The following KCNK3 variants were observed in gnomAD, a reference collection of about 807,000 sequenced individuals.
KCNK3 encodes the protein potassium two pore domain channel subfamily K member 3.
In KCNK3, 9 loss-of-function variants were observed where a neutral mutation model predicts 27.3. The observed-to-expected ratio is 0.33, with a 90% CI of 0.20 to 0.57. KCNK3 has a LOEUF of 0.57. Among genes scored for constraint, KCNK3 ranks in the 20% least tolerant of loss-of-function variants. KCNK3 has a pLI of 0.87. For synonymous variants in KCNK3, 278 were observed against 273.8 expected (o/e 1.02, Z -0.15); for missense variants, 391 against 577.7 (o/e 0.68, Z 3.31).
intron 1 of KCNK3, among the ~76,000 whole-genome samples, chr2:26,710,983 A>T (rs1258869009): frequency 6.6e-6 from 1 of 152,122 alleles, no homozygotes; most frequent in East Asian, 1.9e-4. Context: ...GCCTGTGCCA[A>T]TTTGGGCCAG....
In KCNK3 at chr2:26,728,334, C is replaced by T; in HGVS notation, c.951C>T (p.Ser317=). 1 of 1,604,056 alleles carries T rather than the reference C, an allele frequency of 6.2e-7. No individual in the cohort carries two copies. The highest frequency in any genetic ancestry group is 1.1e-5 in the South Asian group (1 of 89,496). ...QSMCSCLWYK[S]REKLQYSIPM... is the part of the protein sequence containing the mutation. ...TGTGCTCGTGCCTGTGGTACAAGAG[C>T]CGCGAGAAGCTGCAGTACTCCATCC... Residue 317 remains serine, a synonymous_variant, in exon 2 of 2, where the codon AGC becomes AGT. Coordinates refer to ENST00000302909, the MANE Select transcript of KCNK3 (RefSeq NM_002246.3).
chr2:26,694,734 C>T (rs944814425), intron 1 of KCNK3, among the ~76,000 whole-genome samples: 5 of 152,182 alleles, frequency 3.3e-5, no homozygotes, highest in African/African-American at 1.2e-4. Flanking sequence ...CTCTTCCACT[C>T]TCACACCCCA....
At position 26,731,235 on chromosome 2, in the gene KCNK3, G is replaced by A. The variant is rs1663533538; in HGVS notation, c.*2667G>A. The A allele has an allele frequency of 6.6e-6, 1 of 152,380 alleles. No homozygotes were observed. The highest frequency in any genetic ancestry group is 2.4e-5 in the African/African-American group (1 of 41,418). The allele number at this position is 152,380 out of a possible 1,614,324, so 9.4% of individuals were successfully genotyped here. ...GCTGCCTCTGTCATCGTATGCCCTT[G>A]CTGCTGCCAGGGAGGGGCCATCTCC... On this transcript the variant is annotated 3_prime_UTR_variant, in exon 2 of 2. Transcript: ENST00000302909.
chr2:26,702,207 CA>C (rs1670316414), intron 1 of KCNK3, among the ~76,000 whole-genome samples: 1 of 152,162 alleles, frequency 6.6e-6, no homozygotes, highest in South Asian at 2.1e-4. Context: ...ACTGTGTCCT[CA>C]CATCCTCACA....
intron 1 of KCNK3, among the ~76,000 whole-genome samples, chr2:26,705,745 T>A (rs1351576843): frequency 6.6e-6 from 1 of 152,024 alleles, no homozygotes; most frequent in Non-Finnish European, 1.5e-5. Flanking sequence ...ACCATCCCAC[T>A]GAACAGGATG....
At position 26,693,742 on chromosome 2, in the gene KCNK3, G is replaced by A. The variant is rs1200753235; in HGVS notation, c.283+584G>A. Among the ~76,000 whole-genome samples, 1 of 152,222 alleles carries A rather than the reference G, an allele frequency of 6.6e-6. No homozygotes were observed. The highest frequency in any genetic ancestry group is 1.5e-5 in the Non-Finnish European group (1 of 68,036). ...CAGTGCCTGTGATTTTCTCAGAGCG[G>A]CAGAATTGGTGCGGGAAGCCAGATC... On this transcript the variant is annotated intron_variant, in intron 1 of 1. Coordinates refer to ENST00000302909, the MANE Select transcript of KCNK3 (RefSeq NM_002246.3). The surrounding 1 kb of genome is among the most constrained non-coding windows in gnomAD (Gnocchi z 5.5).
chr2:26,694,384 C>A (rs991660059), intron 1 of KCNK3, among the ~76,000 whole-genome samples: 1 of 152,190 alleles, frequency 6.6e-6, no homozygotes, highest in African/African-American at 2.4e-5. Flanking sequence ...GGGTTCGTTG[C>A]CACTTAGCGC....
intron 1 of KCNK3, among the ~76,000 whole-genome samples, chr2:26,708,907 G>A (rs996551689): frequency 1.3e-5 from 2 of 152,172 alleles, no homozygotes; most frequent in African/African-American, 4.8e-5. Flanking sequence ...GGATGGTGGC[G>A]GACTGGACCA....
intron 1 of KCNK3, among the ~76,000 whole-genome samples, chr2:26,702,496 G>A (rs1397315056): frequency 6.6e-6 from 1 of 152,180 alleles, no homozygotes; most frequent in Non-Finnish European, 1.5e-5. Context: ...CTTGCTCTGA[G>A]TGTGTCCAAG....
intron 1 of KCNK3, among the ~76,000 whole-genome samples, chr2:26,702,195 T>C (rs1670316214): frequency 1.3e-5 from 2 of 152,202 alleles, no homozygotes; most frequent in African/African-American, 4.8e-5. Context: ...AGCCATCTTC[T>C]CACTGTGTCC....
intron 1 of KCNK3, among the ~76,000 whole-genome samples, chr2:26,711,170 T>C (rs1663104034): frequency 6.6e-6 from 1 of 152,200 alleles, no homozygotes; most frequent in Admixed American, 6.5e-5. Context: ...ACCACGTCTC[T>C]GTCATGAAGC....
At position 26,693,192 on chromosome 2, in the gene KCNK3, G is replaced by A; in HGVS notation, c.283+34G>A. The A allele has an allele frequency of 6.7e-7, 1 of 1,485,300 alleles. No individual in the cohort carries two copies. Among genetic ancestry groups the A allele is most frequent in the Non-Finnish European group, 9.0e-7 (1 of 1,113,466 alleles). The allele number at this position is 1,485,300 out of a possible 1,614,324, so 92.0% of individuals were successfully genotyped here. ...TCGCCGGGCGGGGGGCGGGAACCCA[G>A]GGCTGGGCGCGGGGCTCCGGGAGTC... On this transcript the variant is annotated intron_variant, in intron 1 of 1. Coordinates refer to ENST00000302909, the MANE Select transcript of KCNK3 (RefSeq NM_002246.3). The surrounding 1 kb of genome is among the most constrained non-coding windows in gnomAD (Gnocchi z 5.5).
At chr2:26,722,816 A>G (rs960335120) in intron 1 of KCNK3, among the ~76,000 whole-genome samples, 39 of 152,380 alleles carry the variant, frequency 2.6e-4, no homozygotes, top group African/African-American at 9.1e-4. Context: ...CATAAATAAA[A>G]TCTTCCAAAA....
At chr2:26,718,101 C>T (rs904109281) in intron 1 of KCNK3, among the ~76,000 whole-genome samples, 14 of 151,996 alleles carry the variant, frequency 9.2e-5, no homozygotes, top group Admixed American at 3.3e-4. Context: ...CCTCTCATCC[C>T]GAACTCTTGG....
Position 26,727,647 on chromosome 2 carries a change from T to A in KCNK3, c.284-20T>A, listed in dbSNP as rs745977248. The A allele has an allele frequency of 1.3e-6, 2 of 1,511,500 alleles. No individual in the cohort carries two copies. Among genetic ancestry groups the A allele is most frequent in the African/African-American group, 2.8e-5 (2 of 71,560 alleles). 93.6% of individuals were successfully genotyped at this position (1,511,500 alleles called of 1,614,324 possible). A position where few individuals can be genotyped will look rare whatever the true frequency, so the allele number is the denominator to read the frequency against. ...GCCCCAAAATGTGTGCTTTTTCTCC[T>A]CTTTCCCACTTTCCCCCAGGCTACG... On this transcript the variant is annotated intron_variant, in intron 1 of 1. Transcript: ENST00000302909.
At chr2:26,727,559 G>T in intron 1 of KCNK3, 108 bp from the exon 2 acceptor site, 1 of 1,444,880 alleles carries the variant, frequency 6.9e-7, no homozygotes, top group South Asian at 1.4e-5. Flanking sequence ...TGTGGACCCA[G>T]ACCCACAAGG....
At chr2:26,722,942 C>A (rs1663350595) in intron 1 of KCNK3, among the ~76,000 whole-genome samples, 3 of 152,218 alleles carry the variant, frequency 2.0e-5, no homozygotes, top group African/African-American at 7.2e-5. Flanking sequence ...ACCTGAGGCC[C>A]AGAAGGAACT....
intron 1 of KCNK3, among the ~76,000 whole-genome samples, chr2:26,723,795 G>A (rs1572613868): frequency 6.6e-6 from 1 of 152,326 alleles, no homozygotes; most frequent in South Asian, 2.1e-4. Context: ...GCTGGGAGAG[G>A]AGGCGGTATG....
intron 1 of KCNK3, among the ~76,000 whole-genome samples, chr2:26,720,896 T>A (rs959762142): frequency 6.6e-6 from 1 of 152,092 alleles, no homozygotes; most frequent in Admixed American, 6.5e-5. Flanking sequence ...CTACCCCAGC[T>A]CCATGAGACC....
Sources: gnomAD v4.1 joint callset for allele counts (sites outside exome capture counted in the v4.1 genomes callset) on GRCh38, gnomAD v4.1.1 for gene constraint, Gnocchi (gnomAD v3.1) non-coding constraint, MANE v1.5 for transcripts, NCBI Gene and HGNC (gene_info 2026-07-23, HGNC 2026-07-21) for gene names.